The following AOX1 variants were observed in gnomAD, a reference collection of about 807,000 sequenced individuals.
AOX1 encodes aldehyde oxidase 1, also known as aldehyde oxidase.
A neutral mutation model predicts 169.5 loss-of-function variants in AOX1; 153 were observed. The observed-to-expected ratio is 0.90, with a 90% CI of 0.79 to 1.03. The LOEUF is 1.03. AOX1 is among the 50% of genes least tolerant of loss of function. AOX1 has a pLI of 0.00. For missense variants in AOX1, 1,656 were observed against 1,663.9 expected, an observed-to-expected ratio of 1.00 and a Z score of 0.08; for synonymous variants, 562 against 581.9, an observed-to-expected ratio of 0.97 and a Z score of 0.49.
At chr2:200,616,165 C>A in intron 16 of AOX1, 102 bp downstream of exon 16, 2 of 806,102 alleles carry the variant, frequency 2.5e-6, no homozygotes, top group Admixed American at 2.3e-5. Flanking sequence ...TCTGTAAGTC[C>A]AAGCTCCACT....
downstream of AOX1, chr2:200,681,384 A>C (rs1201236209): frequency 6.5e-6 from 1 of 152,724 alleles, no homozygotes; most frequent in Non-Finnish European, 1.5e-5. Flanking sequence ...TAAAGCCCAC[A>C]GCCCCCAGTG....
intron 18 of AOX1, 94 bp from the exon 19 acceptor site, chr2:200,623,767 C>A: frequency 1.3e-6 from 2 of 1,573,332 alleles, no homozygotes; most frequent in South Asian, 1.1e-5. Context: ...CCTAGCCCTA[C>A]TGTAATCGAG....
chr2:200,628,172 C>T (rs535160909), intron 20 of AOX1, among the ~76,000 whole-genome samples: 3 of 152,050 alleles, frequency 2.0e-5, no homozygotes, highest in Non-Finnish European at 4.4e-5. Flanking sequence ...TCAGATTCCC[C>T]AATTATACAC....
Position 200,612,807 on chromosome 2 carries a change from A to C in AOX1, c.1448+14A>C. The C allele has an allele frequency of 6.2e-7, 1 of 1,610,526 alleles. No individual in the cohort carries two copies. The highest frequency in any genetic ancestry group is 1.3e-5 in the African/African-American group (1 of 74,872). On this transcript the variant is annotated intron_variant, in intron 14 of 34. Transcript: ENST00000374700. ...ACTCATTGGAAGGTAAGGCATTAGA[A>C]GTAAGGGCTCCTCTAATACTTGTCC...
intron 15 of AOX1, among the ~76,000 whole-genome samples, chr2:200,614,483 T>C (rs901159002): frequency 6.6e-6 from 1 of 152,192 alleles, no homozygotes; most frequent in Non-Finnish European, 1.5e-5. Flanking sequence ...GTAGTAGTCA[T>C]AATAATAGTA....
chr2:200,603,216 A>C, intron 6 of AOX1, 51 bp from the exon 7 acceptor site: 2 of 1,408,314 alleles, frequency 1.4e-6, no homozygotes, highest in Non-Finnish European at 2.0e-6. Flanking sequence ...TTTATTTACT[A>C]GTTAGTAGAA....
chr2:200,667,735 A>G (rs2035948351), intron 32 of AOX1, among the ~76,000 whole-genome samples: 1 of 151,590 alleles, frequency 6.6e-6, no homozygotes, highest in African/African-American at 2.4e-5. Context: ...AGAGAGCAGA[A>G]GAGGGCTGGG....
intron 8 of AOX1, 146 bp downstream of exon 8, chr2:200,604,243 A>G: frequency 1.5e-6 from 1 of 650,656 alleles, no homozygotes; most frequent in South Asian, 2.0e-5. Flanking sequence ...AAGAGTATGG[A>G]CTAAGGAAGA....
intron 15 of AOX1, among the ~76,000 whole-genome samples, chr2:200,615,349 C>A (rs1017010907): frequency 6.6e-6 from 1 of 152,168 alleles, no homozygotes; most frequent in Non-Finnish European, 1.5e-5. Flanking sequence ...GAAAAAATAA[C>A]CACCATGTGT....
rs577711473 is a variant in AOX1, at chr2:200,655,255, A to T, written c.3076-1587A>T. Among the ~76,000 whole-genome samples, 3 of 152,312 alleles carry T rather than the reference A, an allele frequency of 2.0e-5. No homozygotes were observed. The East Asian group carries it at 5.8e-4, about 29-fold the overall frequency. On this transcript the variant is annotated intron_variant, in intron 26 of 34. Transcript: ENST00000374700. ...CGTGATCCTTCCTTTCAGGGGGCTC[A>T]TATTCTAGCAAAGCACAATGAAGTG... is the stretch of plus-strand genomic sequence containing the variant.
At chr2:200,611,831 A>G (rs1176785332) in intron 13 of AOX1, among the ~76,000 whole-genome samples, 4 of 151,532 alleles carry the variant, frequency 2.6e-5, no homozygotes, top group Non-Finnish European at 4.4e-5. Flanking sequence ...CAGCCTCCCG[A>G]GTAGCTGGGA....
At chr2:200,649,592 A>G (rs939781207) in intron 25 of AOX1, among the ~76,000 whole-genome samples, 13 of 152,158 alleles carry the variant, frequency 8.5e-5, no homozygotes, top group African/African-American at 3.1e-4. Flanking sequence ...CAGAGCTGCA[A>G]TCTAGTCCTG....
At chr2:200,666,960 A>T (rs1376184021) in intron 32 of AOX1, among the ~76,000 whole-genome samples, 6 of 152,232 alleles carry the variant, frequency 3.9e-5, no homozygotes, top group African/African-American at 1.4e-4. Context: ...TTGAAGAAAC[A>T]TAAAATCTGT....
At position 200,642,674 on chromosome 2, in the gene AOX1, G is replaced by A. The variant is rs764652380; in HGVS notation, c.2720G>A (p.Gly907Asp). 1.2e-6 allele frequency: 2 copies of A among 1,614,166 alleles called. No homozygotes were observed. Among genetic ancestry groups the A allele is most frequent in the South Asian group, 2.2e-5 (2 of 91,088 alleles). ...AYKFPNLRCR[G>D]WACRTNLPSN... ...AAGTTTCCCAATCTCCGCTGCCGGG[G>A]TTGGGCATGCAGAACCAACCTTCCA... The change falls in exon 25 of 35, where the codon GGT becomes GAT. Residue 907 changes from glycine (G) to aspartate (D), a missense_variant. Transcript: ENST00000374700.
In AOX1 at chr2:200,656,857, C is replaced by A; in HGVS notation, c.3091C>A (p.His1031Asn). The A allele has an allele frequency of 6.3e-7, 1 of 1,581,640 alleles. No individual in the cohort carries two copies. Among genetic ancestry groups the A allele is most frequent in the Non-Finnish European group, 8.6e-7 (1 of 1,163,182 alleles). ...TTCTGCTCAGGCTGCTGCCTTGGTT[C>A]ACATTTATCTTGATGGCTCTGTGCT... ...RAAGQAAALV[H>N]IYLDGSVLVT... The change falls in exon 27 of 35, where the codon CAC becomes AAC. Residue 1031 changes from histidine (H) to asparagine (N), a missense_variant. His to Asn is a moderately conservative substitution (Grantham distance 68). Coordinates refer to ENST00000374700, the MANE Select transcript of AOX1 (RefSeq NM_001159.4).
chr2:200,623,999 G>A lies in AOX1; in HGVS notation c.2124+16G>A, dbSNP rs2034946730. ...AACAATTGAGGTAATGAGTTCTGTGGAATGGTGGTGCCAGTTGGGAGCCAG... is the reference window on the plus strand; with the variant it reads ...AACAATTGAGGTAATGAGTTCTGTGAAATGGTGGTGCCAGTTGGGAGCCAG... On this transcript the variant is annotated intron_variant, in intron 19 of 34. Transcript: ENST00000374700. 1 of 1,612,292 alleles carries A rather than the reference G, an allele frequency of 6.2e-7. No individual in the cohort carries two copies. Among genetic ancestry groups the A allele is most frequent in the South Asian group, 1.1e-5 (1 of 91,020 alleles).
rs992917846 is a variant in AOX1, at chr2:200,613,967, G to A, written c.1611+1G>A. The A allele has an allele frequency of 1.9e-6, 3 of 1,611,800 alleles. No individual in the cohort carries two copies. The highest frequency in any genetic ancestry group is 2.5e-6 in the Non-Finnish European group (3 of 1,179,806). ...AGTGTCACAGATTTTGAAAAAGATG[G>A]TAAACAACTGTTTACACATTAACTT... On this transcript the variant is annotated splice_donor_variant, in intron 15 of 34. Coordinates refer to ENST00000374700, the MANE Select transcript of AOX1 (RefSeq NM_001159.4). LOFTEE classifies it high-confidence loss of function.
Position 200,604,762 on chromosome 2 carries a change from C to T in AOX1, c.736C>T (p.Pro246Ser), listed in dbSNP as rs538141326. The T allele has an allele frequency of 5.0e-6, 8 of 1,613,960 alleles. No homozygotes were observed. The African/African-American group carries it at 9.3e-5, about 19-fold the overall frequency. ...FGSERMMWFS[P>S]VTLKELLEFK... ...CAGTGAGAGAATGATGTGGTTTTCC[C>T]CCGTGACCCTGAAGGAACTGCTGGA... The change falls in exon 9 of 35, where the codon CCC becomes TCC. Residue 246 changes from proline (P) to serine (S), a missense_variant. Pro to Ser is a moderately conservative substitution (Grantham distance 74). Coordinates refer to ENST00000374700, the MANE Select transcript of AOX1 (RefSeq NM_001159.4).
chr2:200,593,299 C>A, intron 2 of AOX1, 96 bp downstream of exon 2: 1 of 996,158 alleles, frequency 1.0e-6, no homozygotes, highest in Non-Finnish European at 1.6e-6. Context: ...ATTAGAGACA[C>A]TGAGACATAT....
Sources: gnomAD v4.1 joint callset for allele counts (sites outside exome capture counted in the v4.1 genomes callset) on GRCh38, gnomAD v4.1.1 for gene constraint, MANE v1.5 for transcripts, NCBI Gene and HGNC (gene_info 2026-07-23, HGNC 2026-07-21) for gene names.